The following FANCG variants were observed in gnomAD, a reference collection of about 807,000 sequenced individuals.
FANCG encodes FA complementation group G.
Under a neutral mutation model 73.3 loss-of-function variants are expected in FANCG, and 67 were observed. The observed-to-expected ratio is 0.91, with a 90% confidence interval of 0.75 to 1.12. The LOEUF (loss-of-function observed/expected upper bound fraction) is 1.12. Ranked by LOEUF, FANCG falls within the 50% of genes most tolerant of loss-of-function variation. The pLI is 0.00. For missense variants in FANCG, 643 were observed against 735.6 expected (o/e 0.87, Z 1.46); for synonymous variants, 297 against 311.6 (o/e 0.95, Z 0.49).
At chr9:35,078,561 G>C (rs77840267) in intron 3 of FANCG, 44 bp downstream of exon 3, 2 of 1,613,850 alleles carry the variant, frequency 1.2e-6, no homozygotes, top group African/African-American at 2.7e-5. Flanking sequence ...CTTAAACCCA[G>C]ACTGAAGATG....
chr9:35,074,777 A>G, intron 12 of FANCG, 150 bp downstream of exon 12: 1 of 1,035,058 alleles, frequency 9.7e-7, no homozygotes. Context: ...ATATTTGAAC[A>G]CCTGGATATA....
At chr9:35,079,119 G>A (rs766377913) in intron 2 of FANCG, 32 bp downstream of exon 2, 7 of 1,555,098 alleles carry the variant, frequency 4.5e-6, no homozygotes, top group Non-Finnish European at 8.8e-7. Context: ...ATGGAAGAGG[G>A]GAACTGACCA....
chr9:35,075,301 G>A lies in FANCG; in HGVS notation c.1458C>T (p.Ala486=). ...CACCTTGTTCTTTTTCCTCAGGTGT[G>A]GCCCGGAAGAGCAGCTCGAGGCACC... The part of the protein sequence containing the change: ...FSRCLELLFR[A]TPEEKEQGAA... The change falls in exon 11 of 14, where the codon GCC becomes GCT. Residue 486 remains alanine, a synonymous_variant. Transcript: ENST00000378643. 1 of 1,614,132 alleles carries A rather than the reference G, an allele frequency of 6.2e-7. No individual in the cohort carries two copies.
chr9:35,077,181 T>G, intron 5 of FANCG, 80 bp from the exon 6 acceptor site: 1 of 1,613,748 alleles, frequency 6.2e-7, no homozygotes, highest in Non-Finnish European at 8.5e-7. Flanking sequence ...AAGAAGCCCA[T>G]GGAACTGAAT....
chr9:35,074,157 G>T lies in FANCG; in HGVS notation c.1820C>A (p.Ala607Asp), dbSNP rs750436883. 13 of 1,614,110 alleles carry T rather than the reference G, an allele frequency of 8.1e-6. No homozygotes were observed. The highest frequency in any genetic ancestry group is 1.3e-5 in the African/African-American group (1 of 74,940). Reference protein sequence around the residue: ...LSWIRPSDRDAFLEEFRTSLP... With the variant: ...LSWIRPSDRDDFLEEFRTSLP... Reference sequence around the variant, plus strand: ...AGATGTCCGAAATTCTTCAAGGAAGGCGTCACGATCAGAGGGACGGATCCA... The same window carrying T: ...AGATGTCCGAAATTCTTCAAGGAAGTCGTCACGATCAGAGGGACGGATCCA... Residue 607 changes from alanine (A) to aspartate (D), a missense_variant, in exon 14 of 14, where the codon GCC becomes GAC. Ala to Asp is a moderately radical substitution (Grantham distance 126). Transcript: ENST00000378643.
At chr9:35,077,468 C>T in intron 4 of FANCG, 69 bp from the exon 5 acceptor site, 2 of 1,600,144 alleles carry the variant, frequency 1.2e-6, no homozygotes, top group South Asian at 1.1e-5. Context: ...CTCCATCTAT[C>T]CTGGCTAGAC....
At position 35,077,635 on chromosome 9, in the gene FANCG, T is replaced by C. The variant is rs959160062; in HGVS notation, c.511-236A>G. On this transcript the variant is annotated intron_variant, in intron 4 of 13. Transcript: ENST00000378643. ...AAAAAGGAAGAAAAACCTGGGGCAG[T>C]GATGATCTATTCCAGCGTGCCTCCT... Among the ~76,000 whole-genome samples, 2 of 151,948 alleles carry C rather than the reference T, an allele frequency of 1.3e-5. 1 individual carries two copies. Among genetic ancestry groups the C allele is most frequent in the Admixed American group, 1.3e-4 (2 of 15,254 alleles).
chr9:35,075,340 A>C lies in FANCG; in HGVS notation c.1434-15T>G. 2 of 1,614,130 alleles carry C rather than the reference A, an allele frequency of 1.2e-6. No homozygotes were observed. The highest frequency in any genetic ancestry group is 1.7e-6 in the Non-Finnish European group (2 of 1,180,004). On this transcript the variant is annotated splice_polypyrimidine_tract_variant and intron_variant, in intron 10 of 13. Coordinates refer to ENST00000378643, the MANE Select transcript of FANCG (RefSeq NM_004629.2). ...GCTCGAGGCACCTGAAGTAGGACAC[A>C]GAACAGGGGTGAAGAGGAATCAATT...
Position 35,074,283 on chromosome 9 carries a change from G to A in FANCG, c.1761-67C>T, listed in dbSNP as rs898364396. 6.2e-6 allele frequency: 10 copies of A among 1,611,924 alleles called. No individual in the cohort carries two copies. The African/African-American group carries it at 6.7e-5, about 11-fold the overall frequency. Reference sequence around the variant, plus strand: ...CAGAAAGCTGGGCAGCCATACCCCCGCTTTCAGTGTTCACCACCCACAATA... The same window carrying A: ...CAGAAAGCTGGGCAGCCATACCCCCACTTTCAGTGTTCACCACCCACAATA... On this transcript the variant is annotated intron_variant, in intron 13 of 13. Coordinates refer to ENST00000378643, the MANE Select transcript of FANCG (RefSeq NM_004629.2).
rs1319799772 is a variant in FANCG, at chr9:35,079,203, C to G, written c.123G>C (p.Gln41His). 3.1e-6 allele frequency: 5 copies of G among 1,608,636 alleles called. No individual in the cohort carries two copies. Among genetic ancestry groups the G allele is most frequent in the African/African-American group, 1.3e-5 (1 of 74,802 alleles). Residue 41 changes from glutamine to histidine, a missense_variant, in exon 2 of 14, where the codon CAG becomes CAC. Coordinates refer to ENST00000378643, the MANE Select transcript of FANCG (RefSeq NM_004629.2). Reference sequence around the variant, plus strand: ...GCCCTTCCAGTGCATCCTGAGCCAACTGCTGTCGCCTCAGAGTCAGACCGG... The same window carrying G: ...GCCCTTCCAGTGCATCCTGAGCCAAGTGCTGTCGCCTCAGAGTCAGACCGG... ...QNSGLTLRRQQLAQDALEGLR... is the reference protein window; with the variant it reads ...QNSGLTLRRQHLAQDALEGLR...
In FANCG at chr9:35,079,151, C is replaced by G. The variant is rs1220576567; in HGVS notation, c.175G>C (p.Gly59Arg). The G allele has an allele frequency of 6.2e-7, 1 of 1,606,076 alleles. No individual in the cohort carries two copies. Among genetic ancestry groups the G allele is most frequent in the Admixed American group, 1.7e-5 (1 of 59,198 alleles). ...ACCATCCTGGGGAGGACCCGCCTAC[C>G]TTGCAGACTATGGAGGAGCCCTCTG... The part of the protein sequence containing the change: ...GLRGLLHSLQ[G>R]LPAAVPVLPL... The change falls in exon 2 of 14, where the codon GGG becomes CGG. Residue 59 changes from glycine (G) to arginine (R), a missense_variant and splice_region_variant. Gly to Arg is a moderately radical substitution (Grantham distance 125). Coordinates refer to ENST00000378643, the MANE Select transcript of FANCG (RefSeq NM_004629.2).
chr9:35,079,313 G>A, intron 1 of FANCG, 72 bp from the exon 2 acceptor site: 1 of 1,536,216 alleles, frequency 6.5e-7, no homozygotes, highest in South Asian at 1.1e-5. Context: ...GGCAAGGGAT[G>A]CATTCTCCAG....
rs763852498 is a variant in FANCG at position 35,074,127 on chromosome 9, G to C, written c.1850C>G (p.Pro617Arg). The C allele has an allele frequency of 6.2e-7, 1 of 1,614,088 alleles. No individual in the cohort carries two copies. The highest frequency in any genetic ancestry group is 8.5e-7 in the Non-Finnish European group (1 of 1,179,946). Residue 617 changes from proline to arginine, a missense_variant, in exon 14 of 14, where the codon CCA becomes CGA. Coordinates refer to ENST00000378643, the MANE Select transcript of FANCG (RefSeq NM_004629.2). The stretch of plus-strand genomic sequence containing the variant: ...TGGCAGCTACAGGTCACAAGACTTT[G>C]GCAGAGATGTCCGAAATTCTTCAAG... ...AFLEEFRTSL[P>R]KSCDL is the part of the protein sequence containing the mutation.
rs765484004 is a variant in FANCG at position 35,077,124 on chromosome 9, C to T, written c.647-23G>A. 6.2e-6 allele frequency: 10 copies of T among 1,614,148 alleles called. No homozygotes were observed. In the East Asian group the frequency reaches 8.9e-5, roughly 14 times the overall value. On this transcript the variant is annotated intron_variant, in intron 5 of 13. Transcript: ENST00000378643. ...GACCTGAGGACAGTCAGGGTGTGAG[C>T]TTGGAGAGGGCTATAGAGCAGGGGT...
chr9:35,078,740 G>A lies in FANCG; in HGVS notation c.176-4C>T, dbSNP rs1829130830. 6.2e-7 allele frequency: 1 copy of A among 1,614,072 alleles called. No homozygotes were observed. The highest frequency in any genetic ancestry group is 8.5e-7 in the Non-Finnish European group (1 of 1,180,028). ...ACAGGAACAGCTGCAGGGAGCCCTG[G>A]AGCAACAATGTTGGTCTTACAGACT... On this transcript the variant is annotated splice_polypyrimidine_tract_variant and splice_region_variant and intron_variant, in intron 2 of 13. Transcript: ENST00000378643.
intron 4 of FANCG, 67 bp from the exon 5 acceptor site, chr9:35,077,466 A>G (rs1829107919): frequency 6.2e-7 from 1 of 1,603,744 alleles, no homozygotes; most frequent in Non-Finnish European, 8.5e-7. Context: ...ATCTCCATCT[A>G]TCCTGGCTAG....
rs1007569856 is a variant in FANCG at position 35,075,951 on chromosome 9, G to C, written c.1143+11C>G. On this transcript the variant is annotated intron_variant, in intron 9 of 13. Transcript: ENST00000378643. ...CTACCCCATTGCAGAGAAGCTTGAAGACACACCCACCCTTGGCTCCGAGCT... is the reference window on the plus strand; with the variant it reads ...CTACCCCATTGCAGAGAAGCTTGAACACACACCCACCCTTGGCTCCGAGCT... 3.1e-6 allele frequency: 5 copies of C among 1,614,016 alleles called. No homozygotes were observed. In the South Asian group the frequency reaches 4.4e-5, roughly 14 times the overall value.
chr9:35,077,170 TAAG>T (rs1042376748), intron 5 of FANCG, 69 bp from the exon 6 acceptor site: 3 of 1,613,690 alleles, frequency 1.9e-6, no homozygotes, highest in Non-Finnish European at 2.5e-6. Context: ...AACAAGGGTC[TAAG>T]AAGCCCATGG....
chr9:35,076,606 G>T (rs567380452), intron 7 of FANCG, 23 bp from the exon 8 acceptor site: 2 of 1,614,104 alleles, frequency 1.2e-6, no homozygotes, highest in Non-Finnish European at 1.7e-6. Context: ...GAAAAAAATT[G>T]TATCTATAAT....
Sources: gnomAD v4.1 joint callset for allele counts (sites outside exome capture counted in the v4.1 genomes callset) on GRCh38, gnomAD v4.1.1 for gene constraint, MANE v1.5 for transcripts, NCBI Gene and HGNC (gene_info 2026-07-23, HGNC 2026-07-21) for gene names.